The following DPYD variants were observed in gnomAD, a reference collection of about 807,000 sequenced individuals.
DPYD encodes dihydropyrimidine dehydrogenase [NADP(+)].
Under a neutral mutation model 116.2 loss-of-function variants are expected in DPYD, and 109 were observed. The observed-to-expected ratio is 0.94, with a 90% CI of 0.80 to 1.10. DPYD has a LOEUF of 1.10. Among genes scored for constraint, DPYD ranks in the 50% least tolerant of loss-of-function variants. The pLI, the probability that DPYD is intolerant of heterozygous loss-of-function variation, is 0.00. For missense variants in DPYD, 1,302 were observed against 1,254.5 expected, an observed-to-expected ratio of 1.04 and a Z score of -0.57; for synonymous variants, 440 against 432.0, an observed-to-expected ratio of 1.02 and a Z score of -0.23.
intron 19 of DPYD, among the ~76,000 whole-genome samples, chr1:97,227,282 G>C (rs372936598): frequency 7.2e-6 from 1 of 139,232 alleles, no homozygotes; most frequent in Non-Finnish European, 1.5e-5. Context: ...AGCCGAGATC[G>C]TGCCACGGCC....
At chr1:97,154,777 G>T (rs1051387263) in intron 20 of DPYD, among the ~76,000 whole-genome samples, 3 of 151,568 alleles carry the variant, frequency 2.0e-5, no homozygotes, top group Non-Finnish European at 4.4e-5. Context: ...AGGGATAAAT[G>T]ACTACACGTT....
intron 5 of DPYD, among the ~76,000 whole-genome samples, chr1:97,708,169 T>C (rs1016028353): frequency 2.0e-5 from 3 of 152,070 alleles, no homozygotes; most frequent in Non-Finnish European, 4.4e-5. Context: ...GTCTATCTTA[T>C]CAATAATTTA....
intron 15 of DPYD, among the ~76,000 whole-genome samples, chr1:97,379,196 T>C (rs532954564): frequency 2.0e-5 from 3 of 151,810 alleles, no homozygotes; most frequent in Non-Finnish European, 2.9e-5. Context: ...TGGGAACGTG[T>C]TGGAGGAGGA....
chr1:97,121,378 A>G (rs1248275034), intron 20 of DPYD, among the ~76,000 whole-genome samples: 2 of 151,954 alleles, frequency 1.3e-5, no homozygotes, highest in African/African-American at 4.8e-5. Flanking sequence ...CCCTCTTGGC[A>G]CTTCTGACTT....
At chr1:97,781,036 T>A (rs1381916013) in intron 3 of DPYD, among the ~76,000 whole-genome samples, 1 of 152,100 alleles carries the variant, frequency 6.6e-6, no homozygotes, top group African/African-American at 2.4e-5. Flanking sequence ...TCACGACAGT[T>A]AATGGGGCAA....
chr1:97,176,129 C>A (rs1557914305), intron 20 of DPYD, among the ~76,000 whole-genome samples: 1 of 152,116 alleles, frequency 6.6e-6, no homozygotes, highest in Admixed American at 6.6e-5. Flanking sequence ...AGCATCAACA[C>A]TAGAAGAATT....
chr1:97,318,011 T>C (rs557987764), intron 16 of DPYD, among the ~76,000 whole-genome samples: 168 of 150,980 alleles, frequency 1.1e-3, no homozygotes, highest in Non-Finnish European at 1.8e-3. Context: ...AATAAAATAC[T>C]TTATAGACAA....
chr1:97,288,576 C>G (rs1025761076), intron 18 of DPYD, among the ~76,000 whole-genome samples: 3 of 151,616 alleles, frequency 2.0e-5, no homozygotes, highest in Admixed American at 6.6e-5. Flanking sequence ...CAATCTGCTC[C>G]TGAATGACTA....
chr1:97,751,460 G>A (rs372342989), intron 3 of DPYD, among the ~76,000 whole-genome samples: 2,775 of 20,970 alleles, frequency 0.13, 232 homozygotes, highest in African/African-American at 0.18. Flanking sequence ...GTGTGTGTGT[G>A]TATATATATA....
intron 18 of DPYD, among the ~76,000 whole-genome samples, chr1:97,270,795 A>G (rs1664532385): frequency 6.6e-6 from 1 of 152,090 alleles, no homozygotes; most frequent in African/African-American, 2.4e-5. Context: ...TCTCTCACAA[A>G]CTCTTACATA....
intron 8 of DPYD, among the ~76,000 whole-genome samples, chr1:97,595,928 A>C (rs1654847763): frequency 6.6e-6 from 1 of 152,080 alleles, no homozygotes; most frequent in Non-Finnish European, 1.5e-5. Context: ...AAATTAAACT[A>C]TACACCAAGG....
intron 8 of DPYD, among the ~76,000 whole-genome samples, chr1:97,643,587 A>G (rs961073448): frequency 1.1e-4 from 16 of 152,192 alleles, no homozygotes; most frequent in Non-Finnish European, 2.1e-4. Flanking sequence ...ATTACTGGGT[A>G]TATACCCAAA....
rs371255472 is a variant in DPYD at position 97,564,087 on chromosome 1, T to C, written c.1339+9673A>G. Among the ~76,000 whole-genome samples the C allele has an allele frequency of 9.2e-5, 14 of 152,302 alleles. No homozygotes were observed. The South Asian group carries it at 2.3e-3, about 25-fold the overall frequency. On this transcript the variant is annotated intron_variant, in intron 11 of 22. Coordinates refer to ENST00000370192, the MANE Select transcript of DPYD (RefSeq NM_000110.4). ...AAATATAATTAAAGGCAAAGCACTGTACAAAGAAGGCAAAAATAGTTCATT... is the reference window on the plus strand; with the variant it reads ...AAATATAATTAAAGGCAAAGCACTGCACAAAGAAGGCAAAAATAGTTCATT...
intron 10 of DPYD, among the ~76,000 whole-genome samples, chr1:97,590,069 C>G (rs114816805): frequency 3.3e-5 from 5 of 152,162 alleles, no homozygotes; most frequent in African/African-American, 4.8e-5. Context: ...ACTCTCCTGA[C>G]TTTCCAGTTT....
chr1:97,310,100 TA>T (rs1667411810), intron 16 of DPYD, among the ~76,000 whole-genome samples: 1 of 151,838 alleles, frequency 6.6e-6, no homozygotes. Context: ...ATTTACCTAG[TA>T]ATTTTCACTC....
intron 20 of DPYD, among the ~76,000 whole-genome samples, chr1:97,184,600 A>G (rs1056446828): frequency 2.0e-5 from 3 of 152,094 alleles, no homozygotes; most frequent in African/African-American, 7.2e-5. Context: ...CAGATACTAC[A>G]TATATTTTAA....
chr1:97,690,373 T>G (rs1660951432), intron 7 of DPYD, among the ~76,000 whole-genome samples: 1 of 152,036 alleles, frequency 6.6e-6, no homozygotes, highest in African/African-American at 2.4e-5. Context: ...CTGTGAAAAC[T>G]GAATGCAATT....
Position 97,200,289 on chromosome 1 carries a change from A to T in DPYD, c.2443-7041T>A, listed in dbSNP as rs551027960. On this transcript the variant is annotated intron_variant, in intron 19 of 22. Transcript: ENST00000370192. Reference sequence around the variant, plus strand: ...AGTATGTGCCTCCAGGTTATATGCAAGTAAAATATATGCTTACAATTTAAG... The same window carrying T: ...AGTATGTGCCTCCAGGTTATATGCATGTAAAATATATGCTTACAATTTAAG... Among the ~76,000 whole-genome samples the T allele has an allele frequency of 2.0e-5, 3 of 152,316 alleles. No homozygotes were observed. The East Asian group carries it at 5.8e-4, about 29-fold the overall frequency.
At chr1:97,815,466 T>C (rs1668555847) in intron 3 of DPYD, among the ~76,000 whole-genome samples, 1 of 151,968 alleles carries the variant, frequency 6.6e-6, no homozygotes, top group Non-Finnish European at 1.5e-5. Flanking sequence ...AAGAATAAAA[T>C]GATGTAAAGT....
Sources: allele counts gnomAD v4.1 joint callset (sites outside exome capture counted in the v4.1 genomes callset), GRCh38; gene constraint gnomAD v4.1.1; transcripts MANE v1.5; gene names NCBI Gene and HGNC (gene_info 2026-07-23, HGNC 2026-07-21).